Variants in EPHA3 observed in about 807,000 individuals in gnomAD.
EPHA3 encodes the protein EPH receptor A3, also known as ephrin type-A receptor 3.
A neutral mutation model predicts 107.1 loss-of-function variants in EPHA3; 42 were observed. The ratio of observed to expected loss-of-function variants is 0.39; its 90% CI spans 0.31 to 0.51. The LOEUF (loss-of-function observed/expected upper bound fraction) is 0.51, where lower values mean the gene tolerates loss of function less well. EPHA3 is among the 20% of genes least tolerant of loss of function. The pLI is 0.78. For missense variants in EPHA3, 1,183 were observed against 1,211.2 expected (o/e 0.98, Z 0.35); for synonymous variants, 461 against 424.8 (o/e 1.09, Z -1.05).
At chr3:89,457,364 C>T (rs1249620524) in intron 15 of EPHA3, among the ~76,000 whole-genome samples, 2 of 152,180 alleles carry the variant, frequency 1.3e-5, no homozygotes, top group African/African-American at 2.4e-5. Flanking sequence ...AGGCAAACGG[C>T]GGGCTGGTGA....
intron 2 of EPHA3, among the ~76,000 whole-genome samples, chr3:89,207,292 T>C (rs1283483952): frequency 6.6e-6 from 1 of 152,164 alleles, no homozygotes; most frequent in Non-Finnish European, 1.5e-5. Context: ...AATTTCTGTG[T>C]CTTTAAAGAT....
At chr3:89,373,835 A>G (rs1477730497) in intron 5 of EPHA3, among the ~76,000 whole-genome samples, 1 of 151,856 alleles carries the variant, frequency 6.6e-6, no homozygotes, top group Non-Finnish European at 1.5e-5. Flanking sequence ...ACTAAATTGC[A>G]TTTTATAAGG....
intron 13 of EPHA3, among the ~76,000 whole-genome samples, chr3:89,438,082 T>A (rs1033539281): frequency 2.0e-5 from 3 of 152,102 alleles, no homozygotes; most frequent in African/African-American, 7.2e-5. Context: ...TTGTTTTGTT[T>A]GATTTCATTT....
At chr3:89,129,250 G>A (rs1213060257) in intron 2 of EPHA3, among the ~76,000 whole-genome samples, 1 of 151,992 alleles carries the variant, frequency 6.6e-6, no homozygotes, top group Non-Finnish European at 1.5e-5. Flanking sequence ...TTGGTTTACT[G>A]TTGCCTCAGA....
intron 2 of EPHA3, among the ~76,000 whole-genome samples, chr3:89,180,225 A>C (rs1001563274): frequency 6.6e-6 from 1 of 151,978 alleles, no homozygotes; most frequent in Non-Finnish European, 1.5e-5. Context: ...CTTACCTGCT[A>C]TACATCTAAG....
At chr3:89,327,591 T>A (rs1210369345) in intron 3 of EPHA3, among the ~76,000 whole-genome samples, 1 of 152,164 alleles carries the variant, frequency 6.6e-6, no homozygotes, top group African/African-American at 2.4e-5. Context: ...ACAAAAGTGT[T>A]ATTGGTTTGT....
At chr3:89,312,237 T>G (rs2107362896) in intron 3 of EPHA3, among the ~76,000 whole-genome samples, 1 of 152,124 alleles carries the variant, frequency 6.6e-6, no homozygotes, top group African/African-American at 2.4e-5. Context: ...CACTTAAAGA[T>G]TATAATAATG....
intron 1 of EPHA3, among the ~76,000 whole-genome samples, chr3:89,111,514 C>A (rs945473489): frequency 2.2e-5 from 3 of 136,046 alleles, no homozygotes; most frequent in African/African-American, 7.6e-5. Flanking sequence ...TACATCCCCC[C>A]CCCACCCCGC....
At chr3:89,174,583 G>A (rs1390715131) in intron 2 of EPHA3, among the ~76,000 whole-genome samples, 1 of 143,472 alleles carries the variant, frequency 7.0e-6, no homozygotes, top group Admixed American at 6.9e-5. Context: ...ATTCTAGCAA[G>A]TTCATCATTT....
chr3:89,300,431 A>G, intron 3 of EPHA3, among the ~76,000 whole-genome samples: 1 of 152,012 alleles, frequency 6.6e-6, no homozygotes, highest in East Asian at 1.9e-4. Flanking sequence ...ACAGAGACAT[A>G]CAACACACAG....
chr3:89,408,058 T>C lies in EPHA3; in HGVS notation c.1698-9T>C, dbSNP rs1249175319. The C allele has an allele frequency of 6.2e-7, 1 of 1,612,380 alleles. No homozygotes were observed. Among genetic ancestry groups the C allele is most frequent in the Admixed American group, 1.7e-5 (1 of 59,918 alleles). Reference sequence around the variant, plus strand: ...TCTTATGTGTTCGCTTTCCTTGATTTACCTCCAGGTTCTGTGGCTATAAGT... The same window carrying C: ...TCTTATGTGTTCGCTTTCCTTGATTCACCTCCAGGTTCTGTGGCTATAAGT... On this transcript the variant is annotated splice_polypyrimidine_tract_variant and intron_variant, in intron 8 of 16. Transcript: ENST00000336596.
chr3:89,399,555 T>A, intron 7 of EPHA3, 75 bp downstream of exon 7: 1 of 1,570,710 alleles, frequency 6.4e-7, no homozygotes, highest in Non-Finnish European at 8.7e-7. Context: ...TTATTCTCAC[T>A]GTTTCTAAGT....
At chr3:89,351,476 C>T (rs1424541563) in intron 5 of EPHA3, among the ~76,000 whole-genome samples, 6 of 150,218 alleles carry the variant, frequency 4.0e-5, no homozygotes, top group African/African-American at 9.7e-5. Flanking sequence ...TGCTTCGGCT[C>T]GCGCACGGTG....
intron 10 of EPHA3, among the ~76,000 whole-genome samples, chr3:89,413,832 CAA>C (rs1348458859): frequency 6.6e-6 from 1 of 151,378 alleles, no homozygotes; most frequent in Non-Finnish European, 1.5e-5. Flanking sequence ...TTAATTTAAA[CAA>C]TGATAAATTT....
chr3:89,286,096 T>C (rs533002853), intron 3 of EPHA3, among the ~76,000 whole-genome samples: 1 of 150,560 alleles, frequency 6.6e-6, no homozygotes, highest in South Asian at 2.1e-4. Flanking sequence ...TTTCAAACTT[T>C]AAACTAGGAG....
At chr3:89,285,637 G>A (rs1576289362) in intron 3 of EPHA3, among the ~76,000 whole-genome samples, 1 of 152,208 alleles carries the variant, frequency 6.6e-6, no homozygotes, top group East Asian at 1.9e-4. Context: ...AATGAGCAAA[G>A]GCCCTGGCCG....
intron 3 of EPHA3, among the ~76,000 whole-genome samples, chr3:89,303,257 G>C (rs1706533391): frequency 6.6e-6 from 1 of 151,780 alleles, no homozygotes. Context: ...GATGGTATTT[G>C]CCCTCCATAC....
chr3:89,204,489 C>T, intron 2 of EPHA3, among the ~76,000 whole-genome samples: 1 of 127,298 alleles, frequency 7.9e-6, no homozygotes, highest in Non-Finnish European at 1.7e-5. Flanking sequence ...ACCACACACA[C>T]ACACACACAC....
At chr3:89,478,499 C>T (rs752240100) in intron 16 of EPHA3, among the ~76,000 whole-genome samples, 50 of 152,122 alleles carry the variant, frequency 3.3e-4, no homozygotes, top group Non-Finnish European at 5.4e-4. Context: ...GCTTTCATTT[C>T]GACGTCTGCC....
Sources: allele counts gnomAD v4.1 joint callset (sites outside exome capture counted in the v4.1 genomes callset), GRCh38; gene constraint gnomAD v4.1.1; transcripts MANE v1.5; gene names NCBI Gene and HGNC (gene_info 2026-07-23, HGNC 2026-07-21).